Variants in BIN2 observed in about 807,000 individuals in gnomAD.
BIN2 encodes bridging integrator 2, also known as breast cancer associated protein BRAP1.
BIN2 carries 43 observed loss-of-function variants against 67.9 expected under a neutral mutation model. The observed-to-expected ratio is 0.63, with a 90% CI of 0.50 to 0.82. BIN2 has a LOEUF of 0.82. BIN2 is among the 40% of genes least tolerant of loss of function. BIN2 has a pLI of 0.00. For missense variants in BIN2, 581 were observed against 671.6 expected, an observed-to-expected ratio of 0.87 and a Z score of 1.49; for synonymous variants, 244 against 246.8, an observed-to-expected ratio of 0.99 and a Z score of 0.11.
chr12:51,281,352 A>G lies in BIN2; in HGVS notation c.*147T>C, dbSNP rs527576206. 3.0e-5 allele frequency: 25 copies of G among 841,138 alleles called. No individual in the cohort carries two copies. Among genetic ancestry groups the G allele is most frequent in the Non-Finnish European group, 4.7e-5 (24 of 511,948 alleles). 52.1% of individuals were successfully genotyped at this position (841,138 alleles called of 1,614,324 possible). On this transcript the variant is annotated 3_prime_UTR_variant, in exon 13 of 13. Transcript: ENST00000615107. Reference sequence around the variant, plus strand: ...CCCGTAAGGCTGCTCCTCCGCCTCCATTAATGCCAGGTCTTTAGACAGCAC... The same window carrying G: ...CCCGTAAGGCTGCTCCTCCGCCTCCGTTAATGCCAGGTCTTTAGACAGCAC...
At chr12:51,288,970 G>A (rs549856825) in intron 10 of BIN2, among the ~76,000 whole-genome samples, 4 of 151,946 alleles carry the variant, frequency 2.6e-5, no homozygotes, top group Admixed American at 1.3e-4. Context: ...GGATGGTCTC[G>A]ATCTCCTGAC....
chr12:51,286,788 G>C (rs1295358027), intron 11 of BIN2, among the ~76,000 whole-genome samples: 2 of 152,124 alleles, frequency 1.3e-5, no homozygotes, highest in Non-Finnish European at 2.9e-5. Flanking sequence ...AGCTGCCTCA[G>C]ACTAGAAACT....
At chr12:51,306,655 A>T (rs1007417995) in intron 2 of BIN2, among the ~76,000 whole-genome samples, 1 of 152,218 alleles carries the variant, frequency 6.6e-6, no homozygotes, top group African/African-American at 2.4e-5. Flanking sequence ...GAAGTGTCAG[A>T]TGCTACAGAG....
At chr12:51,317,688 A>AATTAG (rs1450307815) in intron 1 of BIN2, among the ~76,000 whole-genome samples, 1 of 151,118 alleles carries the variant, frequency 6.6e-6, no homozygotes, top group African/African-American at 2.4e-5. Context: ...AATTAAATTA[A>AATTAG]ATTAAAAAAG....
At chr12:51,287,576 G>A (rs929122153) in intron 11 of BIN2, among the ~76,000 whole-genome samples, 25 of 151,812 alleles carry the variant, frequency 1.6e-4, no homozygotes, top group African/African-American at 5.8e-4. Context: ...CCTGACCTCA[G>A]GTGATCCGCC....
chr12:51,284,762 A>G lies in BIN2; in HGVS notation c.1622T>C (p.Met541Thr), dbSNP rs1198993028. ...SEGQDQLQVS[M>T]VPENNNLTAP... ...TGTGAGGTTGTTGTTTTCTGGTACC[A>G]TGGAGACTTGAAGCTGGTCTTGGCC... Residue 541 changes from methionine (M) to threonine (T), a missense_variant, in exon 12 of 13, where the codon ATG becomes ACG. By Grantham distance (81) the Met-to-Thr change is moderately conservative (BLOSUM62 -1). Coordinates refer to ENST00000615107, the MANE Select transcript of BIN2 (RefSeq NM_016293.4). 2 of 1,613,622 alleles carry G rather than the reference A, an allele frequency of 1.2e-6. No individual in the cohort carries two copies. The highest frequency in any genetic ancestry group is 1.7e-6 in the Non-Finnish European group (2 of 1,179,720).
intron 1 of BIN2, among the ~76,000 whole-genome samples, chr12:51,318,926 C>T (rs1480070791): frequency 6.7e-6 from 1 of 148,778 alleles, no homozygotes; most frequent in Non-Finnish European, 1.5e-5. Context: ...TTTGGTTTGG[C>T]CATATCTGTT....
chr12:51,313,851 T>C lies in BIN2; in HGVS notation c.134A>G (p.Gln45Arg). ...AVETKDERFEQSASNFYQQQA... is the reference protein window; with the variant it reads ...AVETKDERFERSASNFYQQQA... ...TTGTTGGTAGAAGTTGCTAGCGCTT[T>C]GTTCAAATCGTTCATCTTTGGTTTC... Residue 45 changes from glutamine (Q) to arginine (R), a missense_variant, in exon 2 of 13, where the codon CAA (glutamine) becomes CGA (arginine). Transcript: ENST00000615107. 1 of 1,613,932 alleles carries C rather than the reference T, an allele frequency of 6.2e-7. No individual in the cohort carries two copies.
At chr12:51,300,791 A>G (rs567145129) in intron 5 of BIN2, among the ~76,000 whole-genome samples, 1 of 152,336 alleles carries the variant, frequency 6.6e-6, no homozygotes, top group South Asian at 2.1e-4. Context: ...TTCTGTTTGC[A>G]CAAAGAACAG....
intron 9 of BIN2, among the ~76,000 whole-genome samples, chr12:51,293,330 G>A (rs1945441774): frequency 6.6e-6 from 1 of 151,278 alleles, no homozygotes; most frequent in African/African-American, 2.4e-5. Flanking sequence ...TTTTTTTTGA[G>A]ATGGAGTCTC....
rs73111079 is a variant in BIN2, at chr12:51,323,777, T to A, written c.81+245A>T. Among the ~76,000 whole-genome samples, 671 of 152,342 alleles carry A rather than the reference T, an allele frequency of 4.4e-3. 1 individual carries two copies. Among genetic ancestry groups the A allele is most frequent in the Non-Finnish European group, 7.0e-3 (479 of 68,026 alleles). On this transcript the variant is annotated intron_variant, in intron 1 of 12. Transcript: ENST00000615107. ...GTCGAAGGTTCTGCCCAGAGACTGT[T>A]GTCTCCCCAGCTTCCCTTATCCTTG...
Position 51,303,220 on chromosome 12 carries a change from G to C in BIN2, c.163-79C>G, listed in dbSNP as rs971450835. ...CTCCAGAGGTCAAAGTCAAAAAGTA[G>C]GTTAAGAGCAGAAATCACACCTGGA... On this transcript the variant is annotated intron_variant, in intron 2 of 12. Coordinates refer to ENST00000615107, the MANE Select transcript of BIN2 (RefSeq NM_016293.4). 4.9e-6 allele frequency: 7 copies of C among 1,415,410 alleles called. 1 individual carries two copies. The Admixed American group carries it at 1.2e-4, about 24-fold the overall frequency. 87.7% of individuals were successfully genotyped at this position (1,415,410 alleles called of 1,614,324 possible).
intron 10 of BIN2, among the ~76,000 whole-genome samples, chr12:51,290,550 GGCGAGGTGGCTCACGCCTGTAATCCCA>G (rs1339310624): frequency 1.3e-5 from 2 of 152,046 alleles, no homozygotes; most frequent in Non-Finnish European, 2.9e-5. Context: ...TTACTGGCTG[GGCGAGGTGGCTCACGCCTGTAATCCCA>G]GCACTTTGGG....
At chr12:51,311,931 C>T (rs1490189652) in intron 2 of BIN2, among the ~76,000 whole-genome samples, 2 of 152,062 alleles carry the variant, frequency 1.3e-5, no homozygotes, top group African/African-American at 2.4e-5. Flanking sequence ...CCTATCACGC[C>T]CAGCTAATTT....
intron 1 of BIN2, among the ~76,000 whole-genome samples, chr12:51,322,354 A>T (rs1946305445): frequency 6.6e-6 from 1 of 152,216 alleles, no homozygotes; most frequent in East Asian, 1.9e-4. Flanking sequence ...AAGACAGAAG[A>T]TGCAAGAGTG....
chr12:51,309,148 C>T (rs1482283951), intron 2 of BIN2, among the ~76,000 whole-genome samples: 1 of 151,720 alleles, frequency 6.6e-6, no homozygotes, highest in Non-Finnish European at 1.5e-5. Flanking sequence ...TTCTGGAACA[C>T]TTCACTCACA....
chr12:51,307,834 G>A (rs914687779), intron 2 of BIN2, among the ~76,000 whole-genome samples: 2 of 152,170 alleles, frequency 1.3e-5, no homozygotes, highest in Non-Finnish European at 2.9e-5. Flanking sequence ...AATGCACAGT[G>A]TTGAAAACTA....
chr12:51,315,760 T>C (rs1946110854), intron 1 of BIN2, among the ~76,000 whole-genome samples: 1 of 152,206 alleles, frequency 6.6e-6, no homozygotes, highest in Admixed American at 6.5e-5. Context: ...ATGCTATCCA[T>C]GTCTATCACC....
intron 9 of BIN2, among the ~76,000 whole-genome samples, chr12:51,293,370 C>T (rs1161020590): frequency 1.3e-5 from 2 of 152,082 alleles, no homozygotes; most frequent in South Asian, 2.1e-4. Context: ...AGTGCAGTGG[C>T]GCGATCTCGG....
Sources: gnomAD v4.1 joint callset for allele counts (sites outside exome capture counted in the v4.1 genomes callset) on GRCh38, gnomAD v4.1.1 for gene constraint, MANE v1.5 for transcripts, NCBI Gene and HGNC (gene_info 2026-07-23, HGNC 2026-07-21) for gene names.